The following SDK1 variants were observed in gnomAD, a reference collection of about 807,000 sequenced individuals.
SDK1 encodes protein sidekick-1.
In SDK1, 157 loss-of-function variants were observed where a neutral mutation model predicts 245.5. The observed-to-expected ratio is 0.64, with a 90% CI of 0.56 to 0.73. The LOEUF (loss-of-function observed/expected upper bound fraction) is 0.73, where lower values mean the gene tolerates loss of function less well. SDK1 is among the 30% of genes least tolerant of loss of function. SDK1 has a pLI of 0.00. For missense variants in SDK1, 3,583 were observed against 3,002.3 expected (o/e 1.19, Z -4.52); for synonymous variants, 1,647 against 1,278.5 (o/e 1.29, Z -6.15).
At chr7:4,061,901 A>C (rs1215390353) in intron 19 of SDK1, among the ~76,000 whole-genome samples, 3 of 147,486 alleles carry the variant, frequency 2.0e-5, no homozygotes, top group Admixed American at 7.0e-5. Flanking sequence ...CAAACACGGC[A>C]TATTCTCACT....
chr7:3,448,736 AT>A (rs941291088), intron 1 of SDK1, among the ~76,000 whole-genome samples: 3 of 152,166 alleles, frequency 2.0e-5, no homozygotes, highest in African/African-American at 7.2e-5. Flanking sequence ...CTGAATTTAA[AT>A]GCCATCAGTA....
At chr7:3,963,187 G>C (rs1781839396) in intron 9 of SDK1, among the ~76,000 whole-genome samples, 1 of 65,746 alleles carries the variant, frequency 1.5e-5, no homozygotes, top group Admixed American at 1.3e-4. Flanking sequence ...GTAATCAGTG[G>C]GTACACCCAG....
Position 4,220,267 on chromosome 7 carries a change from G to T in SDK1, c.5698G>T (p.Glu1900Ter). Residue 1900 changes from glutamate (E) to a stop codon, truncating the protein, a stop_gained, in exon 39 of 45, where the codon GAG becomes TAG. Transcript: ENST00000404826. LOFTEE classifies it high-confidence loss of function. ...LQANITAGPAEGSPGSPRDVL... is the reference protein window; with the variant it reads ...LQANITAGPA ...AGCCAATATCACAGCCGGGCCAGCC[G>T]AGGGTAAGTGGAACTCCAGGGGCAG... 6.2e-7 allele frequency: 1 copy of T among 1,612,752 alleles called. No individual in the cohort carries two copies. Among genetic ancestry groups the T allele is most frequent in the South Asian group, 1.1e-5 (1 of 90,966 alleles).
chr7:3,870,555 C>T (rs1389395521), intron 5 of SDK1, among the ~76,000 whole-genome samples: 1 of 148,150 alleles, frequency 6.7e-6, no homozygotes, highest in African/African-American at 2.5e-5. Flanking sequence ...TACCATTTAC[C>T]TTTTTGTAAA....
chr7:3,684,436 C>T (rs566644853), intron 4 of SDK1, among the ~76,000 whole-genome samples: 1 of 152,266 alleles, frequency 6.6e-6, no homozygotes, highest in Admixed American at 6.5e-5. Context: ...TCCCTTTTGC[C>T]ATGATAGTGT....
At chr7:4,198,746 C>T (rs551576137) in intron 35 of SDK1, among the ~76,000 whole-genome samples, 6 of 152,026 alleles carry the variant, frequency 3.9e-5, no homozygotes, top group Admixed American at 2.0e-4. Flanking sequence ...TCATATCGAG[C>T]TCATTCTGAG....
At chr7:3,523,635 T>A (rs767437437) in intron 1 of SDK1, among the ~76,000 whole-genome samples, 1 of 152,156 alleles carries the variant, frequency 6.6e-6, no homozygotes, top group Non-Finnish European at 1.5e-5. Context: ...TTGTGATACC[T>A]CAATGGGCAT....
intron 5 of SDK1, among the ~76,000 whole-genome samples, chr7:3,828,797 A>G (rs1255100499): frequency 6.6e-6 from 1 of 151,894 alleles, no homozygotes; most frequent in Non-Finnish European, 1.5e-5. Flanking sequence ...GACTACAGGC[A>G]TGAACCACCA....
intron 28 of SDK1, among the ~76,000 whole-genome samples, chr7:4,133,895 G>A (rs570896774): frequency 7.2e-5 from 11 of 152,276 alleles, no homozygotes; most frequent in Admixed American, 3.3e-4. Flanking sequence ...CTTACAAACA[G>A]GTGGTAAAAT....
At chr7:3,780,124 G>T (rs893922124) in intron 4 of SDK1, among the ~76,000 whole-genome samples, 3 of 152,140 alleles carry the variant, frequency 2.0e-5, no homozygotes, top group Non-Finnish European at 4.4e-5. Flanking sequence ...TGTGTGATCT[G>T]CATAATTCAA....
intron 44 of SDK1, among the ~76,000 whole-genome samples, chr7:4,262,018 C>CTTTTTTTTTTT (rs34610558): frequency 3.4e-5 from 2 of 59,254 alleles, no homozygotes; most frequent in Admixed American, 1.8e-4. Context: ...CTGCTTTCTC[C>CTTTTTTTTTTT]TTTTTTTTTT....
intron 1 of SDK1, among the ~76,000 whole-genome samples, chr7:3,581,834 G>A (rs1261976332): frequency 6.6e-6 from 1 of 152,198 alleles, no homozygotes; most frequent in African/African-American, 2.4e-5. Flanking sequence ...GAATGAGATT[G>A]TGTCCTTTGC....
chr7:3,837,818 A>G (rs575454998), intron 5 of SDK1, among the ~76,000 whole-genome samples: 38 of 152,310 alleles, frequency 2.5e-4, no homozygotes, highest in Non-Finnish European at 4.9e-4. Context: ...GCTGGATGCT[A>G]CTGTATTGAG....
chr7:3,486,663 C>T (rs1186955535), intron 1 of SDK1, among the ~76,000 whole-genome samples: 2 of 151,906 alleles, frequency 1.3e-5, no homozygotes, highest in Non-Finnish European at 2.9e-5. Flanking sequence ...CATCCCAAAG[C>T]ACAAGTAAGG....
chr7:3,948,350 C>T (rs1026611392), intron 5 of SDK1, among the ~76,000 whole-genome samples: 8 of 150,296 alleles, frequency 5.3e-5, no homozygotes, highest in Non-Finnish European at 1.0e-4. Context: ...CTCCACCTCT[C>T]GGGTTCCAGC....
chr7:3,918,065 C>T (rs1473023394), intron 5 of SDK1, among the ~76,000 whole-genome samples: 1 of 152,198 alleles, frequency 6.6e-6, no homozygotes. Context: ...GTAGACAAAA[C>T]AGAGGAACCT....
At chr7:4,200,613 T>C (rs1160899331) in intron 35 of SDK1, among the ~76,000 whole-genome samples, 1 of 152,226 alleles carries the variant, frequency 6.6e-6, no homozygotes, top group African/African-American at 2.4e-5. Flanking sequence ...CTTGAGTTCC[T>C]TGCCATGAAG....
At chr7:3,423,973 A>G (rs1335043011) in intron 1 of SDK1, among the ~76,000 whole-genome samples, 1 of 149,516 alleles carries the variant, frequency 6.7e-6, no homozygotes, top group African/African-American at 2.5e-5. Context: ...GTGCAGTGGT[A>G]CAATCTTGAC....
intron 1 of SDK1, among the ~76,000 whole-genome samples, chr7:3,456,327 G>A (rs1780664934): frequency 6.6e-6 from 1 of 152,070 alleles, no homozygotes; most frequent in African/African-American, 2.4e-5. Context: ...TTTCTCCTCT[G>A]CTTTTGAAGC....
Sources: gnomAD v4.1 joint callset for allele counts (sites outside exome capture counted in the v4.1 genomes callset) on GRCh38, gnomAD v4.1.1 for gene constraint, MANE v1.5 for transcripts, NCBI Gene and HGNC (gene_info 2026-07-23, HGNC 2026-07-21) for gene names.